The following SYNE1 variants were observed in gnomAD, a reference collection of about 807,000 sequenced individuals.
The protein encoded by SYNE1 is spectrin repeat containing nuclear envelope protein 1, also known as nesprin-1.
In SYNE1, 616 loss-of-function variants were observed where a neutral mutation model predicts 1,111.0. That is an observed-to-expected ratio of 0.55 (90% confidence interval 0.52 to 0.59). SYNE1 has a LOEUF of 0.59. SYNE1 is among the 20% of genes least tolerant of loss of function. The pLI is 0.00. For missense variants in SYNE1, 10,006 were observed against 10,417.0 expected (o/e 0.96, Z 1.72); for synonymous variants, 3,855 against 3,825.8 (o/e 1.01, Z -0.28).
In SYNE1 at chr6:152,309,917, G is replaced by C. The variant is rs776621560; in HGVS notation, c.17120C>G (p.Pro5707Arg). Reference sequence around the variant, plus strand: ...CAGCCGCAGAGCAGCATGACAGAGAGGTAAGCTGGCAACCACATCCTCGGG... The same window carrying C: ...CAGCCGCAGAGCAGCATGACAGAGACGTAAGCTGGCAACCACATCCTCGGG... Reference protein sequence around the residue: ...RIPEDVVASLPLCHAALRLQE... With the variant: ...RIPEDVVASLRLCHAALRLQE... Residue 5707 changes from proline to arginine, a missense_variant, in exon 90 of 146, where the codon CCT (proline) becomes CGT (arginine). Around this residue, in one of 7 missense-constraint regions of SYNE1, gnomAD observed 4,955 missense variants for 5,017.2 expected, o/e 0.99. Transcript: ENST00000367255. 5 of 1,614,058 alleles carry C rather than the reference G, an allele frequency of 3.1e-6. No homozygotes were observed. The Admixed American group carries it at 8.3e-5, about 27-fold the overall frequency.
chr6:152,191,233 C>CT lies in SYNE1; in HGVS notation c.23146-1827dup, dbSNP rs34434403. ...TCAGAGATATTGTTCTATAATTTTC[C>CT]TTTTTTTTTTTTTTTTGATGTGTCT... On this transcript the variant is annotated intron_variant, in intron 127 of 145. Coordinates refer to ENST00000367255, the MANE Select transcript of SYNE1 (RefSeq NM_182961.4). Among the ~76,000 whole-genome samples the CT allele has an allele frequency of 5.4e-3, 752 of 140,220 alleles. 4 individuals are homozygous for CT. The highest frequency in any genetic ancestry group is 0.01 in the African/African-American group (385 of 38,460). 92.0% of individuals were successfully genotyped at this position (140,220 alleles called of 152,430 possible). A position where few individuals can be genotyped will look rare whatever the true frequency, so the allele number is the denominator to read the frequency against.
intron 3 of SYNE1, among the ~76,000 whole-genome samples, chr6:152,603,358 A>G (rs77757371): frequency 0.011 from 1,609 of 152,284 alleles, 25 homozygotes; most frequent in African/African-American, 0.037. Context: ...GCTTTAACAT[A>G]TCACAGGTGG....
intron 65 of SYNE1, 71 bp from the exon 66 acceptor site, chr6:152,358,608 A>T: frequency 6.6e-7 from 1 of 1,515,104 alleles, no homozygotes; most frequent in Non-Finnish European, 9.1e-7. Context: ...GCTGTAATTC[A>T]CTTTTGTAAT....
rs9479283 is a variant in SYNE1, at chr6:152,282,074, C to T, written c.18208-94G>A. On this transcript the variant is annotated intron_variant, in intron 96 of 145. Transcript: ENST00000367255. Reference sequence around the variant, plus strand: ...GCAATGGTTCCAGGCCCTGGCTGTACATAAGAATCACTGGTAAAACTTTTA... The same window carrying T: ...GCAATGGTTCCAGGCCCTGGCTGTATATAAGAATCACTGGTAAAACTTTTA... The T allele has an allele frequency of 0.068, 89,068 of 1,317,564 alleles. 3,423 individuals carry two copies. Among genetic ancestry groups the T allele is most frequent in the Middle Eastern group, 0.12 (523 of 4,266 alleles). The allele number at this position is 1,317,564 out of a possible 1,614,324, so 81.6% of individuals were successfully genotyped here.
At chr6:152,623,642 C>T (rs1455799851) in intron 3 of SYNE1, among the ~76,000 whole-genome samples, 1 of 152,106 alleles carries the variant, frequency 6.6e-6, no homozygotes, top group African/African-American at 2.4e-5. Flanking sequence ...GTCTAATATC[C>T]AGCATCTATA....
Position 152,136,664 on chromosome 6 carries a change from A to G in SYNE1, c.25613T>C (p.Leu8538Pro), listed in dbSNP as rs757688024. Reference protein sequence around the residue: ...NGRWDRVCSLLEEWRGLLQDA... With the variant: ...NGRWDRVCSLPEEWRGLLQDA... ...CTGCAGCAGGCCCCGCCACTCCTCCAGCAGAGAGCACACTCGGTCCCAGCG... is the reference window on the plus strand; with the variant it reads ...CTGCAGCAGGCCCCGCCACTCCTCCGGCAGAGAGCACACTCGGTCCCAGCG... Residue 8538 changes from leucine (L) to proline (P), a missense_variant, in exon 141 of 146, where the codon CTG becomes CCG. By Grantham distance (98) the Leu-to-Pro change is moderately conservative. Around this residue, in one of 7 missense-constraint regions of SYNE1, gnomAD observed 761 missense variants for 795.5 expected, o/e 0.96. Coordinates refer to ENST00000367255, the MANE Select transcript of SYNE1 (RefSeq NM_182961.4). 2.5e-6 allele frequency: 4 copies of G among 1,614,030 alleles called. No individual in the cohort carries two copies. Among genetic ancestry groups the G allele is most frequent in the Non-Finnish European group, 2.5e-6 (3 of 1,180,020 alleles).
intron 25 of SYNE1, among the ~76,000 whole-genome samples, chr6:152,451,768 A>T (rs746620895): frequency 1.1e-4 from 17 of 152,248 alleles, no homozygotes; most frequent in Non-Finnish European, 1.6e-4. Flanking sequence ...GGCGTGAGCC[A>T]CTAAGTCTGG....
intron 86 of SYNE1, among the ~76,000 whole-genome samples, chr6:152,317,219 T>C (rs1167667742): frequency 7.2e-6 from 1 of 139,420 alleles, no homozygotes; most frequent in East Asian, 2.5e-4. Context: ...TCTTTTTCTT[T>C]CTTTTTTCTT....
At chr6:152,207,838 T>A (rs1354127992) in intron 125 of SYNE1, 134 bp downstream of exon 125, 15 of 854,262 alleles carry the variant, frequency 1.8e-5, no homozygotes, top group Non-Finnish European at 2.9e-5. Context: ...TTTGTATATT[T>A]CTGTTGACAT....
At chr6:152,258,804 G>C (rs1233476598) in intron 101 of SYNE1, among the ~76,000 whole-genome samples, 1 of 151,248 alleles carries the variant, frequency 6.6e-6, no homozygotes, top group Non-Finnish European at 1.5e-5. Flanking sequence ...GAGTGTAGTG[G>C]TGCGATCTTG....
chr6:152,343,474 T>A (rs915772997), intron 74 of SYNE1, among the ~76,000 whole-genome samples: 1 of 151,090 alleles, frequency 6.6e-6, no homozygotes, highest in Non-Finnish European at 1.5e-5. Flanking sequence ...CTCTTTCTTT[T>A]TTTTTTTTCT....
chr6:152,552,804 G>T (rs1398870701), intron 3 of SYNE1, among the ~76,000 whole-genome samples: 1 of 152,120 alleles, frequency 6.6e-6, no homozygotes, highest in Non-Finnish European at 1.5e-5. Context: ...GCTTTCCGCT[G>T]CTTCAGATCT....
At chr6:152,277,196 C>T (rs2093686804) in intron 98 of SYNE1, among the ~76,000 whole-genome samples, 2 of 147,562 alleles carry the variant, frequency 1.4e-5, no homozygotes, top group South Asian at 4.4e-4. Flanking sequence ...GGCCTGTGTA[C>T]TTTTTATCCT....
At chr6:152,376,161 G>T in intron 58 of SYNE1, 1 of 543,188 alleles carries the variant, frequency 1.8e-6, no homozygotes, top group Non-Finnish European at 3.3e-6. Flanking sequence ...ATGGGGTTCA[G>T]GCTCCTATGA....
intron 16 of SYNE1, among the ~76,000 whole-genome samples, chr6:152,470,436 G>A (rs1318559815): frequency 1.3e-5 from 2 of 152,116 alleles, no homozygotes; most frequent in African/African-American, 4.8e-5. Flanking sequence ...ATTGCTTGAA[G>A]CTTAAAATCA....
In SYNE1 at chr6:152,409,600, T is replaced by C; in HGVS notation, c.6340A>G (p.Thr2114Ala). The C allele has an allele frequency of 6.2e-7, 1 of 1,613,878 alleles. No individual in the cohort carries two copies. Among genetic ancestry groups the C allele is most frequent in the Non-Finnish European group, 8.5e-7 (1 of 1,179,956 alleles). The change falls in exon 43 of 146, where the codon ACC (threonine) becomes GCC (alanine). Residue 2114 changes from threonine to alanine, a missense_variant. By Grantham distance (58) the Thr-to-Ala change is moderately conservative (BLOSUM62 0). This residue lies in a region of SYNE1 where 4,955 missense variants were observed against 5,017.2 expected (regional missense o/e 0.99). Transcript: ENST00000367255. ...TTAAGATCCTCCTGATCTTTTATGG[T>C]AGTTCTGGTTACAATCACACTGCTG... Reference protein sequence around the residue: ...NASSVIVTRTTIKDQEDLKWA... With the variant: ...NASSVIVTRTAIKDQEDLKWA...
intron 66 of SYNE1, among the ~76,000 whole-genome samples, chr6:152,356,183 C>G (rs1041195522): frequency 6.6e-6 from 1 of 151,668 alleles, no homozygotes. Context: ...TGACTTAACT[C>G]TGCCATTGTA....
At chr6:152,484,701 C>T (rs1045839031) in intron 13 of SYNE1, 134 bp downstream of exon 13, 1 of 915,602 alleles carries the variant, frequency 1.1e-6, no homozygotes, top group African/African-American at 1.7e-5. Context: ...AAAGATTCTC[C>T]CATAGTTAAG....
chr6:152,227,309 C>A (rs574075340), intron 115 of SYNE1, among the ~76,000 whole-genome samples: 5 of 152,058 alleles, frequency 3.3e-5, no homozygotes, highest in South Asian at 2.1e-4. Flanking sequence ...TAGCTAAATG[C>A]AAGATATTAT....
Sources: gnomAD v4.1 joint callset for allele counts (sites outside exome capture counted in the v4.1 genomes callset) on GRCh38, gnomAD v4.1.1 for gene constraint, gnomAD v4.1.1 regional missense constraint, MANE v1.5 for transcripts, NCBI Gene and HGNC (gene_info 2026-07-23, HGNC 2026-07-21) for gene names.